Variants in TOLLIP observed in about 807,000 individuals in gnomAD.
The protein encoded by TOLLIP is toll interacting protein.
In TOLLIP, 16 loss-of-function variants were observed where a neutral mutation model predicts 33.5. That is an observed-to-expected ratio of 0.48 (90% CI 0.32 to 0.72). TOLLIP has a LOEUF of 0.72. Ranked by LOEUF, TOLLIP falls within the 30% of genes least tolerant of loss-of-function variation. The pLI is 0.03. For missense variants in TOLLIP, 325 were observed against 396.6 expected (o/e 0.82, Z 1.53); for synonymous variants, 176 against 163.7 (o/e 1.07, Z -0.57).
In TOLLIP at chr11:1,295,663, C is replaced by G. The variant is rs199861074; in HGVS notation, c.165G>C (p.Leu55=). Residue 55 remains leucine (L), a synonymous_variant, in exon 2 of 6, where the codon CTG becomes CTC. Coordinates refer to ENST00000317204, the MANE Select transcript of TOLLIP (RefSeq NM_019009.4). ...GGCCCACCTGTACCACCGTGATGTT[C>G]AGTCGGCCCACGGTGCCCACTGCGC... The part of the protein sequence containing the change: ...YGGAVGTVGR[L]NITVVQAKLA... 41 of 1,592,272 alleles carry G rather than the reference C, an allele frequency of 2.6e-5. No homozygotes were observed. The highest frequency in any genetic ancestry group is 4.0e-5 in the African/African-American group (3 of 74,576).
At chr11:1,309,407 A>C in intron 1 of TOLLIP, 59 bp downstream of exon 1, 9 of 1,073,954 alleles carry the variant, frequency 8.4e-6, no homozygotes, top group Non-Finnish European at 1.1e-5. Context: ...CCCTGACCCA[A>C]GGCCCCGCCC....
intron 1 of TOLLIP, among the ~76,000 whole-genome samples, chr11:1,299,111 G>A (rs904622508): frequency 1.3e-5 from 2 of 152,242 alleles, no homozygotes; most frequent in East Asian, 1.9e-4. Flanking sequence ...TCGGCCAGGG[G>A]ACATGGGTGA....
At chr11:1,294,352 G>A (rs10840239) in intron 2 of TOLLIP, among the ~76,000 whole-genome samples, 2,822 of 10,548 alleles carry the variant, frequency 0.27, 963 homozygotes, top group Non-Finnish European at 0.34. Context: ...CGTGGCTCAC[G>A]GTGTGTCTCC....
Position 1,285,995 on chromosome 11 carries a change from C to G in TOLLIP, c.610+7G>C, listed in dbSNP as rs1218737217. 6.3e-7 allele frequency: 1 copy of G among 1,586,082 alleles called. No homozygotes were observed. On this transcript the variant is annotated splice_region_variant and intron_variant, in intron 5 of 5. Transcript: ENST00000317204. Reference sequence around the variant, plus strand: ...GGGAGAGGCACCCAGGGAGGGAGCACACGCACCTGTGATGGGCACATAGCC... The same window carrying G: ...GGGAGAGGCACCCAGGGAGGGAGCAGACGCACCTGTGATGGGCACATAGCC...
At position 1,276,362 on chromosome 11, in the gene TOLLIP, G is replaced by A. The variant is rs1036269128; in HGVS notation, c.*677C>T. The stretch of plus-strand genomic sequence containing the variant: ...ATGCCCGCTGGCTGGCAATCAGGCA[G>A]AGCCTGGCCAACCGTGCCAGGCCCC... On this transcript the variant is annotated 3_prime_UTR_variant, in exon 6 of 6. Coordinates refer to ENST00000317204, the MANE Select transcript of TOLLIP (RefSeq NM_019009.4). The A allele has an allele frequency of 3.3e-5, 7 of 214,506 alleles. No individual in the cohort carries two copies. Among genetic ancestry groups the A allele is most frequent in the African/African-American group, 9.3e-5 (4 of 42,982 alleles). 13.3% of individuals were successfully genotyped at this position (214,506 alleles called of 1,614,324 possible). A position where few individuals can be genotyped will look rare whatever the true frequency, so the allele number is the denominator to read the frequency against.
At position 1,290,262 on chromosome 11, in the gene TOLLIP, C is replaced by A. The variant is rs1863890927; in HGVS notation, c.331G>T (p.Gly111Cys). 6.2e-7 allele frequency: 1 copy of A among 1,613,394 alleles called. No individual in the cohort carries two copies. Among genetic ancestry groups the A allele is most frequent in the African/African-American group, 1.3e-5 (1 of 74,942 alleles). Residue 111 changes from glycine (G) to cysteine (C), a missense_variant, in exon 3 of 6, where the codon GGC becomes TGC. Transcript: ENST00000317204. The surrounding 1 kb of genome is among the most constrained non-coding windows in gnomAD (Gnocchi z 4.9). ...ATCTCGAGATAGAAAGAGTCCACGCCTGGGGGCACCGTGCAGTGGATGACC... is the reference window on the plus strand; with the variant it reads ...ATCTCGAGATAGAAAGAGTCCACGCATGGGGGCACCGTGCAGTGGATGACC... ...NKVIHCTVPP[G>C]VDSFYLEIFD...
intron 3 of TOLLIP, among the ~76,000 whole-genome samples, chr11:1,289,344 C>T (rs1338959023): frequency 6.6e-6 from 1 of 152,236 alleles, no homozygotes; most frequent in African/African-American, 2.4e-5. Context: ...CTGCCCCACA[C>T]TGCTCCCCGG....
At chr11:1,289,463 C>T (rs531781590) in intron 3 of TOLLIP, among the ~76,000 whole-genome samples, 3 of 152,358 alleles carry the variant, frequency 2.0e-5, no homozygotes, top group South Asian at 4.1e-4. Context: ...GCCTCAGAAG[C>T]GCTGCAGGTG....
chr11:1,293,447 TC>T (rs1384678266), intron 2 of TOLLIP, among the ~76,000 whole-genome samples: 3 of 152,042 alleles, frequency 2.0e-5, no homozygotes, highest in Non-Finnish European at 4.4e-5. Flanking sequence ...CCCCTTGGCA[TC>T]CCACTGGGGC....
At chr11:1,300,748 C>T (rs1371873330) in intron 1 of TOLLIP, among the ~76,000 whole-genome samples, 4 of 152,230 alleles carry the variant, frequency 2.6e-5, no homozygotes, top group African/African-American at 9.6e-5. Flanking sequence ...CACATGCAGT[C>T]CTGGCCTCAC....
intron 5 of TOLLIP, among the ~76,000 whole-genome samples, chr11:1,285,016 A>G (rs561246731): frequency 6.6e-6 from 1 of 152,198 alleles, no homozygotes; most frequent in East Asian, 1.9e-4. Flanking sequence ...TCTCCACTCC[A>G]GCTGGGCTGG....
At chr11:1,300,878 G>A (rs1030404481) in intron 1 of TOLLIP, among the ~76,000 whole-genome samples, 1 of 152,220 alleles carries the variant, frequency 6.6e-6, no homozygotes, top group African/African-American at 2.4e-5. Context: ...GGCCCCCTGC[G>A]GAGCCTTTTT....
In TOLLIP at chr11:1,290,692, C is replaced by T. The variant is rs1274369621; in HGVS notation, c.184-283G>A. ...CAGACACAGCTGAGGCCGCCACTCA[C>T]CCACCATGAAGGGCGCACTCTCTAA... On this transcript the variant is annotated intron_variant, in intron 2 of 5. Coordinates refer to ENST00000317204, the MANE Select transcript of TOLLIP (RefSeq NM_019009.4). This position sits in a 1 kb window ranked among gnomAD's most constrained non-coding sequence, Gnocchi z 4.9. Among the ~76,000 whole-genome samples, 5 of 152,146 alleles carry T rather than the reference C, an allele frequency of 3.3e-5. No individual in the cohort carries two copies. The highest frequency in any genetic ancestry group is 5.9e-5 in the Non-Finnish European group (4 of 68,016).
At chr11:1,306,483 G>A (rs1864426566) in intron 1 of TOLLIP, among the ~76,000 whole-genome samples, 3 of 152,114 alleles carry the variant, frequency 2.0e-5, no homozygotes, top group Admixed American at 2.0e-4. Context: ...TCTTTCTGCT[G>A]GAAAGCTGAG....
chr11:1,306,114 A>T (rs1442505234), intron 1 of TOLLIP: 1 of 152,214 alleles, frequency 6.6e-6, no homozygotes, highest in East Asian at 1.9e-4. Flanking sequence ...AAAAAAGGTT[A>T]TCTTTCCAAA....
intron 4 of TOLLIP, among the ~76,000 whole-genome samples, chr11:1,287,063 T>C: frequency 6.6e-6 from 1 of 152,004 alleles, no homozygotes; most frequent in East Asian, 1.9e-4. Context: ...AACTGTCAGC[T>C]GCGGATAAGT....
chr11:1,285,592 C>G (rs1863665319), intron 5 of TOLLIP, among the ~76,000 whole-genome samples: 1 of 152,170 alleles, frequency 6.6e-6, no homozygotes, highest in Non-Finnish European at 1.5e-5. Flanking sequence ...CACAACGGCG[C>G]AGCGCAGGGC....
At chr11:1,297,058 C>A (rs1177641486) in intron 1 of TOLLIP, among the ~76,000 whole-genome samples, 9 of 152,010 alleles carry the variant, frequency 5.9e-5, no homozygotes, top group African/African-American at 1.9e-4. Flanking sequence ...GGAGACCCAG[C>A]CGTCTGCAGG....
At chr11:1,297,376 G>A (rs567096725) in intron 1 of TOLLIP, among the ~76,000 whole-genome samples, 6 of 152,220 alleles carry the variant, frequency 3.9e-5, no homozygotes, top group Admixed American at 6.5e-5. Flanking sequence ...GGCCTGGAGC[G>A]CACAAGCCAG....
Sources: gnomAD v4.1 joint callset for allele counts (sites outside exome capture counted in the v4.1 genomes callset) on GRCh38, gnomAD v4.1.1 for gene constraint, Gnocchi (gnomAD v3.1) non-coding constraint, MANE v1.5 for transcripts, NCBI Gene and HGNC (gene_info 2026-07-23, HGNC 2026-07-21) for gene names.